The following PAPPA variants were observed in gnomAD, a reference collection of about 807,000 sequenced individuals.
The protein encoded by PAPPA is pappalysin-1.
PAPPA carries 60 observed loss-of-function variants against 164.0 expected under a neutral mutation model. That is an observed-to-expected ratio of 0.37 (90% CI 0.30 to 0.45). PAPPA has a LOEUF of 0.45. Ranked by LOEUF, PAPPA falls within the 20% of genes least tolerant of loss-of-function variation. The pLI, the probability that PAPPA is intolerant of heterozygous loss-of-function variation, is 1.00. For synonymous variants in PAPPA, 875 were observed against 814.1 expected (o/e 1.07, Z -1.27); for missense variants, 1,782 against 2,087.3 (o/e 0.85, Z 2.85).
At position 116,397,275 on chromosome 9, in the gene PAPPA, A is replaced by C. The variant is rs1341543510; in HGVS notation, c.*659A>C. The C allele has an allele frequency of 1.3e-5, 2 of 152,632 alleles. No individual in the cohort carries two copies. Among genetic ancestry groups the C allele is most frequent in the African/African-American group, 4.8e-5 (2 of 41,444 alleles). 9.5% of individuals were successfully genotyped at this position (152,632 alleles called of 1,614,324 possible). A position where few individuals can be genotyped will look rare whatever the true frequency, so the allele number is the denominator to read the frequency against. ...GATTATCAGGTATGCAAAGCGCCCC[A>C]ATTCTTCTGCTGCCATGGGGGATTT... On this transcript the variant is annotated 3_prime_UTR_variant, in exon 22 of 22. Transcript: ENST00000328252.
In PAPPA at chr9:116,235,270, T is replaced by C. The variant is rs184292701; in HGVS notation, c.2365T>C (p.Tyr789His). 1 of 1,614,184 alleles carries C rather than the reference T, an allele frequency of 6.2e-7. No individual in the cohort carries two copies. The highest frequency in any genetic ancestry group is 2.2e-5 in the East Asian group (1 of 44,872). Reference protein sequence around the residue: ...QGCYLELEFLYPLVPESLTIW... With the variant: ...QGCYLELEFLHPLVPESLTIW... ...CTGCTACCTCGAGCTGGAGTTCCTC[T>C]ACCCCTTGGTCCCTGAGTCTCTGAC... is the stretch of plus-strand genomic sequence containing the variant. Residue 789 changes from tyrosine to histidine, a missense_variant, in exon 7 of 22, where the codon TAC becomes CAC. Tyr to His is a moderately conservative substitution (Grantham distance 83, BLOSUM62 2). Transcript: ENST00000328252.
chr9:116,352,385 T>C (rs1298596592), intron 15 of PAPPA, among the ~76,000 whole-genome samples: 2 of 152,200 alleles, frequency 1.3e-5, no homozygotes, highest in African/African-American at 4.8e-5. Context: ...GATGCCCATT[T>C]GTAAAGTAAG....
At chr9:116,193,739 A>C (rs1844071423) in intron 2 of PAPPA, among the ~76,000 whole-genome samples, 1 of 152,234 alleles carries the variant, frequency 6.6e-6, no homozygotes, top group African/African-American at 2.4e-5. Context: ...GTAGGGGTCC[A>C]AGATATAATC....
In PAPPA at chr9:116,353,712, C is replaced by T; in HGVS notation, c.4266C>T (p.Phe1422=). 6.2e-7 allele frequency: 1 copy of T among 1,614,090 alleles called. No homozygotes were observed. Among genetic ancestry groups the T allele is most frequent in the Non-Finnish European group, 8.5e-7 (1 of 1,179,980 alleles). The change falls in exon 17 of 22, where the codon TTC becomes TTT. Residue 1422 remains phenylalanine (F), a synonymous_variant. Coordinates refer to ENST00000328252, the MANE Select transcript of PAPPA (RefSeq NM_002581.5). ...PVTCDPPPPK[F]HGLYQCTNGF... is the part of the protein sequence containing the mutation. ...CCTGTGACCCACCTCCACCAAAATT[C>T]CATGGGCTCTACCAGTGTACTAATG...
At chr9:116,170,046 T>A (rs1843758676) in intron 1 of PAPPA, among the ~76,000 whole-genome samples, 1 of 152,182 alleles carries the variant, frequency 6.6e-6, no homozygotes, top group Admixed American at 6.5e-5. Flanking sequence ...TCAGAAGTAC[T>A]TGATTTGTAA....
In PAPPA at chr9:116,304,272, T is replaced by C. The variant is rs532341244; in HGVS notation, c.3147+1322T>C. 3.3e-5 allele frequency among the ~76,000 whole-genome samples: 5 copies of C among 152,370 alleles called. No individual in the cohort carries two copies. The South Asian group carries it at 8.3e-4, about 25-fold the overall frequency. ...CTCTCATGTTCAAGCAAAGGCTAGA[T>C]AGGTGCCCAGCAAATGTGTGTTTAA... On this transcript the variant is annotated intron_variant, in intron 10 of 21. Transcript: ENST00000328252.
At chr9:116,212,770 GA>G (rs1844324714) in intron 4 of PAPPA, among the ~76,000 whole-genome samples, 1 of 152,148 alleles carries the variant, frequency 6.6e-6, no homozygotes, top group Admixed American at 6.5e-5. Flanking sequence ...TGGAGGGAAG[GA>G]AGGAGGAAAA....
chr9:116,305,134 G>GAC (rs57723920), intron 10 of PAPPA, among the ~76,000 whole-genome samples: 59,041 of 129,538 alleles, frequency 0.46, 13,797 homozygotes, highest in East Asian at 0.67. Flanking sequence ...TGGGCACACA[G>GAC]ACACACACAC....
At chr9:116,245,273 A>G (rs1844784010) in intron 7 of PAPPA, among the ~76,000 whole-genome samples, 1 of 152,202 alleles carries the variant, frequency 6.6e-6, no homozygotes, top group Non-Finnish European at 1.5e-5. Flanking sequence ...CTATGCATGT[A>G]ATAAAATTAT....
chr9:116,357,128 C>A (rs1271569912), intron 17 of PAPPA, among the ~76,000 whole-genome samples: 1 of 152,214 alleles, frequency 6.6e-6, no homozygotes, highest in Non-Finnish European at 1.5e-5. Context: ...TCCAGTAGAA[C>A]TTTCTGCCAT....
intron 2 of PAPPA, among the ~76,000 whole-genome samples, chr9:116,189,840 G>A (rs1008054544): frequency 4.6e-5 from 7 of 152,166 alleles, no homozygotes; most frequent in African/African-American, 1.4e-4. Context: ...CCTCCCGTGC[G>A]TGAACAAAAT....
At chr9:116,325,472 G>A (rs1399910309) in intron 10 of PAPPA, among the ~76,000 whole-genome samples, 1 of 152,164 alleles carries the variant, frequency 6.6e-6, no homozygotes. Flanking sequence ...CTGGAATTAA[G>A]CCAGGTCTTC....
intron 2 of PAPPA, among the ~76,000 whole-genome samples, chr9:116,206,940 A>G (rs80292174): frequency 0.015 from 2,332 of 152,194 alleles, 57 homozygotes; most frequent in East Asian, 0.11. Flanking sequence ...GTGCTCAAGA[A>G]AGGTTGTAGA....
At chr9:116,197,939 G>A (rs1270052668) in intron 2 of PAPPA, among the ~76,000 whole-genome samples, 1 of 152,136 alleles carries the variant, frequency 6.6e-6, no homozygotes, top group African/African-American at 2.4e-5. Flanking sequence ...TGCCTACATG[G>A]CTAAAGTCTA....
At chr9:116,197,890 A>G (rs1410535808) in intron 2 of PAPPA, among the ~76,000 whole-genome samples, 1 of 152,228 alleles carries the variant, frequency 6.6e-6, no homozygotes, top group Non-Finnish European at 1.5e-5. Context: ...TATCCTTTCT[A>G]AACTTAGTAT....
intron 7 of PAPPA, among the ~76,000 whole-genome samples, chr9:116,248,388 G>C (rs1844821758): frequency 6.6e-6 from 1 of 152,208 alleles, no homozygotes; most frequent in Admixed American, 6.5e-5. Context: ...TAAAGGGGTA[G>C]GTCATAGCTC....
chr9:116,193,010 C>T (rs1178867035), intron 2 of PAPPA, among the ~76,000 whole-genome samples: 2 of 152,162 alleles, frequency 1.3e-5, no homozygotes, highest in African/African-American at 2.4e-5. Flanking sequence ...AATATCTACT[C>T]ATACAAAATG....
chr9:116,276,364 T>C (rs111765301), intron 9 of PAPPA, among the ~76,000 whole-genome samples: 3 of 152,230 alleles, frequency 2.0e-5, no homozygotes, highest in African/African-American at 7.2e-5. Flanking sequence ...TTACAGGAGA[T>C]GCAGCTGTGG....
At chr9:116,173,915 G>T in intron 1 of PAPPA, among the ~76,000 whole-genome samples, 1 of 152,096 alleles carries the variant, frequency 6.6e-6, no homozygotes, top group Non-Finnish European at 1.5e-5. Flanking sequence ...CCCTTGTCCT[G>T]GTGTAGTCAG....
Sources: allele counts gnomAD v4.1 joint callset (sites outside exome capture counted in the v4.1 genomes callset), GRCh38; gene constraint gnomAD v4.1.1; transcripts MANE v1.5; gene names NCBI Gene and HGNC (gene_info 2026-07-23, HGNC 2026-07-21).